The following EFEMP1 variants were observed in gnomAD, a reference collection of about 807,000 sequenced individuals.
The protein encoded by EFEMP1 is EGF-containing fibulin-like extracellular matrix protein 1.
In EFEMP1, 18 loss-of-function variants were observed where a neutral mutation model predicts 65.7. The ratio of observed to expected loss-of-function variants is 0.27; its 90% confidence interval spans 0.19 to 0.41. EFEMP1 has a LOEUF of 0.41. EFEMP1 is among the 10% of genes least tolerant of loss of function. The pLI is 1.00. For missense variants in EFEMP1, 469 were observed against 624.8 expected (o/e 0.75, Z 2.66); for synonymous variants, 237 against 219.7 (o/e 1.08, Z -0.70).
Position 55,871,786 on chromosome 2 carries a change from C to G in EFEMP1, c.1001-663G>C, listed in dbSNP as rs543539848. 1.6e-4 allele frequency among the ~76,000 whole-genome samples: 24 copies of G among 152,082 alleles called. No individual in the cohort carries two copies. The South Asian group carries it at 5.0e-3, about 32-fold the overall frequency. ...GCATGCTGGGAGTGGATTATACTGT[C>G]CAGAGGAAGCACAGCACAGGAAGTG... On this transcript the variant is annotated intron_variant, in intron 9 of 11. Transcript: ENST00000355426. The surrounding 1 kb of genome is among the most constrained non-coding windows in gnomAD (Gnocchi z 4.2).
At position 55,917,783 on chromosome 2, in the gene EFEMP1, G is replaced by A; in HGVS notation, c.399C>T (p.Gly133=). 1.2e-6 allele frequency: 2 copies of A among 1,614,180 alleles called. No homozygotes were observed. The part of the protein sequence containing the change: ...AAVAGPEMQT[G]RNNFVIRRNP... ...TCCGCCGGATGACAAAGTTATTTCGGCCAGTCTGCATTTCAGGGCCTGCGA... is the reference window on the plus strand; with the variant it reads ...TCCGCCGGATGACAAAGTTATTTCGACCAGTCTGCATTTCAGGGCCTGCGA... Residue 133 remains glycine, a synonymous_variant, in exon 5 of 12, where the codon GGC becomes GGT. Coordinates refer to ENST00000355426, the MANE Select transcript of EFEMP1 (RefSeq NM_001039348.3). The surrounding 1 kb of genome is among the most constrained non-coding windows in gnomAD (Gnocchi z 6.3).
Position 55,877,969 on chromosome 2 carries a change from G to C in EFEMP1, c.641-104C>G. On this transcript the variant is annotated intron_variant, in intron 6 of 11. Coordinates refer to ENST00000355426, the MANE Select transcript of EFEMP1 (RefSeq NM_001039348.3). This position sits in a 1 kb window ranked among gnomAD's most constrained non-coding sequence, Gnocchi z 4.5. ...ATGTAGAGAAAATCTCTTTTTAAAAGTAATAATTTCCTATTTTGTTAAAAT... is the reference window on the plus strand; with the variant it reads ...ATGTAGAGAAAATCTCTTTTTAAAACTAATAATTTCCTATTTTGTTAAAAT... 7.2e-7 allele frequency: 1 copy of C among 1,395,292 alleles called. No homozygotes were observed. The highest frequency in any genetic ancestry group is 9.9e-7 in the Non-Finnish European group (1 of 1,014,636). 86.4% of individuals were successfully genotyped at this position (1,395,292 alleles called of 1,614,324 possible).
chr2:55,917,651 T>C lies in EFEMP1; in HGVS notation c.517+14A>G, dbSNP rs1453981491. On this transcript the variant is annotated intron_variant, in intron 5 of 11. Transcript: ENST00000355426. The surrounding 1 kb of genome is among the most constrained non-coding windows in gnomAD (Gnocchi z 6.3). The stretch of plus-strand genomic sequence containing the variant: ...CAAAAGCTTTCAATGGTTAGGAAAA[T>C]AAGTTATTCCTACCTTGGCACACGT... The C allele has an allele frequency of 6.2e-7, 1 of 1,614,018 alleles. No individual in the cohort carries two copies.
At chr2:55,912,622 T>C (rs377167084) in intron 5 of EFEMP1, among the ~76,000 whole-genome samples, 27 of 152,326 alleles carry the variant, frequency 1.8e-4, no homozygotes, top group African/African-American at 6.3e-4. Context: ...CCTAAGACTA[T>C]AGAGGTTTTT....
At chr2:55,895,593 G>C (rs888011402) in intron 5 of EFEMP1, among the ~76,000 whole-genome samples, 2 of 150,412 alleles carry the variant, frequency 1.3e-5, no homozygotes, top group East Asian at 3.9e-4. Flanking sequence ...CCAGGCTGGA[G>C]TGCAGTGGCG....
In EFEMP1 at chr2:55,883,303, T is replaced by A. The variant is rs1398544739; in HGVS notation, c.518-1569A>T. The stretch of plus-strand genomic sequence containing the variant: ...ACTAGTATTATTTTCAAGTCAGTGA[T>A]TACAAACTGTCCTTTTTAGGTACTA... On this transcript the variant is annotated intron_variant, in intron 5 of 11. Transcript: ENST00000355426. This position sits in a 1 kb window ranked among gnomAD's most constrained non-coding sequence, Gnocchi z 4.5. Among the ~76,000 whole-genome samples, 1 of 152,224 alleles carries A rather than the reference T, an allele frequency of 6.6e-6. No homozygotes were observed. The highest frequency in any genetic ancestry group is 1.5e-5 in the Non-Finnish European group (1 of 68,026).
At chr2:55,899,349 C>T (rs1049657427) in intron 5 of EFEMP1, among the ~76,000 whole-genome samples, 9 of 152,322 alleles carry the variant, frequency 5.9e-5, no homozygotes, top group Non-Finnish European at 1.2e-4. Flanking sequence ...GGTGGTGTGC[C>T]TAGGCTTCTA....
chr2:55,871,065 A>G lies in EFEMP1; in HGVS notation c.1059T>C (p.Tyr353=), dbSNP rs1235214703. The G allele has an allele frequency of 2.8e-5, 45 of 1,613,652 alleles. No homozygotes were observed. The highest frequency in any genetic ancestry group is 3.6e-5 in the Non-Finnish European group (43 of 1,179,800). ...GTGGATAACAACGGAAGCCGCCATGATAATTCCAACACATTTCATCCTCCC... is the reference window on the plus strand; with the variant it reads ...GTGGATAACAACGGAAGCCGCCATGGTAATTCCAACACATTTCATCCTCCC... ...ECREDEMCWN[Y]HGGFRCYPRN... The change falls in exon 10 of 12, where the codon TAT becomes TAC. Residue 353 remains tyrosine, a synonymous_variant. Transcript: ENST00000355426. This position sits in a 1 kb window ranked among gnomAD's most constrained non-coding sequence, Gnocchi z 4.2.
chr2:55,866,905 T>G lies in EFEMP1; in HGVS notation c.*168A>C. 1.2e-6 allele frequency: 1 copy of G among 831,816 alleles called. No homozygotes were observed. Among genetic ancestry groups the G allele is most frequent in the East Asian group, 2.7e-5 (1 of 36,930 alleles). The allele number at this position is 831,816 out of a possible 1,614,324, so 51.5% of individuals were successfully genotyped here. On this transcript the variant is annotated 3_prime_UTR_variant, in exon 12 of 12. Coordinates refer to ENST00000355426, the MANE Select transcript of EFEMP1 (RefSeq NM_001039348.3). ...AGTAATAAAGACAAACTTTGAATCT[T>G]TACATATTAAATGCCCACTTTATAC...
intron 5 of EFEMP1, among the ~76,000 whole-genome samples, chr2:55,905,725 A>G (rs1382674077): frequency 6.6e-6 from 1 of 152,192 alleles, no homozygotes; most frequent in Admixed American, 6.5e-5. Flanking sequence ...CTGGGATTAC[A>G]GGTGTGAGCC....
intron 8 of EFEMP1, among the ~76,000 whole-genome samples, chr2:55,875,345 C>T (rs1398410089): frequency 7.2e-6 from 1 of 139,458 alleles, no homozygotes; most frequent in Non-Finnish European, 1.5e-5. Flanking sequence ...TACACACACA[C>T]ACACACACAC....
Position 55,870,613 on chromosome 2 carries a change from T to G in EFEMP1, c.1320+107A>C. 5 of 1,382,068 alleles carry G rather than the reference T, an allele frequency of 3.6e-6. No individual in the cohort carries two copies. The highest frequency in any genetic ancestry group is 5.1e-6 in the Non-Finnish European group (5 of 981,808). 85.6% of individuals were successfully genotyped at this position (1,382,068 alleles called of 1,614,324 possible). A position where few individuals can be genotyped will look rare whatever the true frequency, so the allele number is the denominator to read the frequency against. On this transcript the variant is annotated intron_variant, in intron 11 of 11. Coordinates refer to ENST00000355426, the MANE Select transcript of EFEMP1 (RefSeq NM_001039348.3). The surrounding 1 kb of genome is among the most constrained non-coding windows in gnomAD (Gnocchi z 5.8). The stretch of plus-strand genomic sequence containing the variant: ...ATGCCTACACATAAGACACTTTAAA[T>G]GTTTGCTTTCCTTCCACATGTGGAT...
rs1670725214 is a variant in EFEMP1 at position 55,917,147 on chromosome 2, C to T, written c.517+518G>A. ...AGAAACTTGAGAAACCAAAGGGGTA[C>T]ATCTGTAGAGTAGCTTGACAGCATA... On this transcript the variant is annotated intron_variant, in intron 5 of 11. Coordinates refer to ENST00000355426, the MANE Select transcript of EFEMP1 (RefSeq NM_001039348.3). The surrounding 1 kb of genome is among the most constrained non-coding windows in gnomAD (Gnocchi z 6.3). Among the ~76,000 whole-genome samples the T allele has an allele frequency of 6.6e-6, 1 of 152,160 alleles. No individual in the cohort carries two copies. The highest frequency in any genetic ancestry group is 6.5e-5 in the Admixed American group (1 of 15,272).
chr2:55,869,454 CA>C (rs775034518), intron 11 of EFEMP1, among the ~76,000 whole-genome samples: 6 of 151,742 alleles, frequency 4.0e-5, no homozygotes, highest in East Asian at 1.9e-4. Context: ...CTTTTTTATT[CA>C]AAAAAATAAT....
intron 5 of EFEMP1, among the ~76,000 whole-genome samples, chr2:55,893,099 G>T (rs1043854124): frequency 2.6e-5 from 4 of 152,114 alleles, no homozygotes; most frequent in South Asian, 4.1e-4. Flanking sequence ...CTGTGAGGCT[G>T]CCAGATAGGT....
chr2:55,874,899 C>T, intron 9 of EFEMP1, 47 bp downstream of exon 9: 3 of 1,561,324 alleles, frequency 1.9e-6, no homozygotes, highest in Non-Finnish European at 2.6e-6. Flanking sequence ...TTGTCTCTTC[C>T]TGGCTAAAAC....
intron 5 of EFEMP1, among the ~76,000 whole-genome samples, chr2:55,909,159 C>A (rs558133044): frequency 4.4e-4 from 67 of 152,254 alleles, no homozygotes; most frequent in African/African-American, 1.6e-3. Flanking sequence ...ACCTTATATA[C>A]ACATGGTACT....
chr2:55,874,782 C>G (rs1331804029), intron 9 of EFEMP1, among the ~76,000 whole-genome samples, 164 bp downstream of exon 9: 1 of 151,872 alleles, frequency 6.6e-6, no homozygotes, highest in South Asian at 2.1e-4. Context: ...AGAATCACCT[C>G]TTTATGAGAT....
chr2:55,888,334 C>CTTTTTTTTTTTTTTTTTTTTTTTTTT (rs71713705), intron 5 of EFEMP1, among the ~76,000 whole-genome samples: 2 of 114,308 alleles, frequency 1.7e-5, no homozygotes, highest in African/African-American at 7.3e-5. Flanking sequence ...CCTTCTTAAA[C>CTTTTTTTTTTTTTTTTTTTTTTTTTT]TTTTTTTTTT....
Sources: gnomAD v4.1 joint callset for allele counts (sites outside exome capture counted in the v4.1 genomes callset) on GRCh38, gnomAD v4.1.1 for gene constraint, Gnocchi (gnomAD v3.1) non-coding constraint, MANE v1.5 for transcripts, NCBI Gene and HGNC (gene_info 2026-07-23, HGNC 2026-07-21) for gene names.